Variants in KRT81 observed in about 807,000 individuals in gnomAD.
KRT81 encodes the protein keratin 81.
In KRT81, 35 loss-of-function variants were observed where a neutral mutation model predicts 35.8. The observed-to-expected ratio is 0.98, with a 90% CI of 0.75 to 1.30. The LOEUF (loss-of-function observed/expected upper bound fraction) is 1.30, where lower values mean the gene tolerates loss of function less well. KRT81 is among the 50% of genes most tolerant of loss of function. The probability of loss-of-function intolerance (pLI) is 0.00; values close to 1 mark genes in which losing one functional copy is unlikely to be tolerated. For synonymous variants in KRT81, 249 were observed against 251.2 expected (o/e 0.99, Z 0.08); for missense variants, 531 against 577.4 (o/e 0.92, Z 0.82).
rs1412655408 is a variant in KRT81 at position 52,286,976 on chromosome 12, C to T, written c.1247+126G>A. ...GACAAACTCACACACCAGCCCTCCC[C>T]ACACCGGAAGTGAATAATAATATTT... On this transcript the variant is annotated intron_variant, in intron 7 of 8. Transcript: ENST00000327741. The T allele has an allele frequency of 2.5e-6, 4 of 1,568,870 alleles. No homozygotes were observed. The Admixed American group carries it at 5.3e-5, about 21-fold the overall frequency.
At chr12:52,287,520 A>C in intron 6 of KRT81, 76 bp downstream of exon 6, 1 of 1,613,180 alleles carries the variant, frequency 6.2e-7, no homozygotes, top group Non-Finnish European at 8.5e-7. Flanking sequence ...GCTGAGATCC[A>C]GGTAGGGCAC....
In KRT81 at chr12:52,287,732, T is replaced by G; in HGVS notation, c.901-11A>C. 2 of 1,614,030 alleles carry G rather than the reference T, an allele frequency of 1.2e-6. No individual in the cohort carries two copies. The highest frequency in any genetic ancestry group is 1.7e-6 in the Non-Finnish European group (2 of 1,179,962). On this transcript the variant is annotated splice_polypyrimidine_tract_variant and intron_variant, in intron 5 of 8. Coordinates refer to ENST00000327741, the MANE Select transcript of KRT81 (RefSeq NM_002281.4). ...CTTCATCTCCTCACACTGGGGGAAG[T>G]AGAGATGCTCATGAGGTTCAGGGTG...
Position 52,288,591 on chromosome 12 carries a change from C to T in KRT81, c.640-135G>A, listed in dbSNP as rs111858567. On this transcript the variant is annotated intron_variant, in intron 3 of 8. Coordinates refer to ENST00000327741, the MANE Select transcript of KRT81 (RefSeq NM_002281.4). ...CCATTCCCATGCCTTTCCTCCCCTT[C>T]TGCCCTTCCTGGGATGAGCTGGCAT... 668 of 1,090,162 alleles carry T rather than the reference C, an allele frequency of 6.1e-4. 3 individuals are homozygous for T. The African/African-American group carries it at 8.3e-3, about 14-fold the overall frequency. 67.5% of individuals were successfully genotyped at this position (1,090,162 alleles called of 1,614,324 possible). A position where few individuals can be genotyped will look rare whatever the true frequency, so the allele number is the denominator to read the frequency against.
Position 52,291,422 on chromosome 12 carries a change from A to T in KRT81, c.44T>A (p.Ile15Asn), listed in dbSNP as rs1938119325. 6.2e-7 allele frequency: 1 copy of T among 1,612,178 alleles called. No homozygotes were observed. Among genetic ancestry groups the T allele is most frequent in the African/African-American group, 1.3e-5 (1 of 75,006 alleles). ...GCCGGGCCGCGGCCCGCAGGCCGAGATGCAGCTGAAGGCGCGCCCACCAAA... is the reference window on the plus strand; with the variant it reads ...GCCGGGCCGCGGCCCGCAGGCCGAGTTGCAGCTGAAGGCGCGCCCACCAAA... ...SGFGGRAFSC[I>N]SACGPRPGRC... The change falls in exon 1 of 9, where the codon ATC becomes AAC. Residue 15 changes from isoleucine (I) to asparagine (N), a missense_variant. By Grantham distance (149) the Ile-to-Asn change is moderately radical. Coordinates refer to ENST00000327741, the MANE Select transcript of KRT81 (RefSeq NM_002281.4).
In KRT81 at chr12:52,287,241, C is replaced by T. The variant is rs761370549; in HGVS notation, c.1108G>A (p.Glu370Lys). 61 of 1,614,032 alleles carry T rather than the reference C, an allele frequency of 3.8e-5. No individual in the cohort carries two copies. Among genetic ancestry groups the T allele is most frequent in the East Asian group, 3.3e-4 (15 of 44,874 alleles). ...ALSDARCKLA[E>K]LEGALQKAKQ... ...GCCTTCTGCAGGGCGCCCTCCAGCTCGGCCAGCTTGCAGCGGGCATCACTG... is the reference window on the plus strand; with the variant it reads ...GCCTTCTGCAGGGCGCCCTCCAGCTTGGCCAGCTTGCAGCGGGCATCACTG... The change falls in exon 7 of 9, where the codon GAG becomes AAG. Residue 370 changes from glutamate (E) to lysine (K), a missense_variant. Glu to Lys is a moderately conservative substitution (Grantham distance 56). This residue lies in a region of KRT81 where 49 missense variants were observed against 87.8 expected (regional missense o/e 0.56). Coordinates refer to ENST00000327741, the MANE Select transcript of KRT81 (RefSeq NM_002281.4).
chr12:52,291,244 A>C lies in KRT81; in HGVS notation c.222T>G (p.Ser74Arg). The C allele has an allele frequency of 6.6e-7, 1 of 1,504,658 alleles. No homozygotes were observed. Among genetic ancestry groups the C allele is most frequent in the Non-Finnish European group, 8.9e-7 (1 of 1,121,200 alleles). The allele number at this position is 1,504,658 out of a possible 1,614,324, so 93.2% of individuals were successfully genotyped here. A position where few individuals can be genotyped will look rare whatever the true frequency, so the allele number is the denominator to read the frequency against. The change falls in exon 1 of 9, where the codon AGT becomes AGG. Residue 74 changes from serine to arginine, a missense_variant. Transcript: ENST00000327741. ...GYRSGGVCGPSPPCITTVSVN... is the reference protein window; with the variant it reads ...GYRSGGVCGPRPPCITTVSVN... ...CCGACACGGTGGTGATGCATGGGGG[A>C]CTGGGCCCGCACACGCCCCCGGAGC...
intron 3 of KRT81, 130 bp from the exon 4 acceptor site, chr12:52,288,586 C>A: frequency 9.1e-7 from 1 of 1,101,266 alleles, no homozygotes; most frequent in South Asian, 1.2e-5. Context: ...GCCTTTCCTC[C>A]CCTTCTGCCC....
intron 7 of KRT81, 60 bp downstream of exon 7, chr12:52,287,042 G>C (rs1565740041): frequency 6.2e-7 from 1 of 1,611,938 alleles, no homozygotes; most frequent in African/African-American, 1.3e-5. Context: ...CCAAGGCCAA[G>C]GGTAGGCTTG....
In KRT81 at chr12:52,286,471, C is replaced by A; in HGVS notation, c.1302G>T (p.Gly434=). ...VNVCVSSSRG[G]VVCGDLCVSG... ...ACACGCAGAGGTCCCCGCACACGAC[C>A]CCGCCCCGGGAGCTGCTGACACCTG... Residue 434 remains glycine (G), a synonymous_variant, in exon 9 of 9, where the codon GGG becomes GGT. Coordinates refer to ENST00000327741, the MANE Select transcript of KRT81 (RefSeq NM_002281.4). 6.4e-7 allele frequency: 1 copy of A among 1,552,438 alleles called. No individual in the cohort carries two copies. Among genetic ancestry groups the A allele is most frequent in the Admixed American group, 1.9e-5 (1 of 51,296 alleles).
At position 52,291,414 on chromosome 12, in the gene KRT81, A is replaced by G. The variant is rs1373978620; in HGVS notation, c.52T>C (p.Cys18Arg). The G allele has an allele frequency of 1.2e-6, 2 of 1,611,556 alleles. No individual in the cohort carries two copies. Among genetic ancestry groups the G allele is most frequent in the South Asian group, 1.1e-5 (1 of 90,896 alleles). The change falls in exon 1 of 9, where the codon TGC becomes CGC. Residue 18 changes from cysteine (C) to arginine (R), a missense_variant. This residue lies in a region of KRT81 where 133 missense variants were observed against 125.9 expected (regional missense o/e 1.06). Transcript: ENST00000327741. The stretch of plus-strand genomic sequence containing the variant: ...CAGCAGCGGCCGGGCCGCGGCCCGC[A>G]GGCCGAGATGCAGCTGAAGGCGCGC... ...GGRAFSCISA[C>R]GPRPGRCCIT...
intron 3 of KRT81, 103 bp from the exon 4 acceptor site, chr12:52,288,559 T>A: frequency 7.4e-7 from 1 of 1,356,186 alleles, no homozygotes; most frequent in Non-Finnish European, 1.1e-6. Flanking sequence ...AAGCAGTCCC[T>A]GGTGTCCCAT....
intron 4 of KRT81, 62 bp downstream of exon 4, chr12:52,288,299 T>C: frequency 4.3e-6 from 7 of 1,609,892 alleles, no homozygotes; most frequent in Middle Eastern, 2.0e-4. Flanking sequence ...TGTCCAACAC[T>C]CCCACCCCCA....
Position 52,288,109 on chromosome 12 carries a change from C to A in KRT81, c.775G>T (p.Val259Leu). 6.2e-7 allele frequency: 1 copy of A among 1,614,108 alleles called. No homozygotes were observed. The highest frequency in any genetic ancestry group is 1.3e-5 in the African/African-American group (1 of 75,002). The part of the protein sequence containing the change: ...ILQSHISDTS[V>L]VVKLDNSRDL... ...CGGCTGTTGTCCAGCTTGACAACCA[C>A]GGAGGTGTCTGAGATGTGCGACTGG... The change falls in exon 5 of 9, where the codon GTG becomes TTG. Residue 259 changes from valine to leucine, a missense_variant. By Grantham distance (32) the Val-to-Leu change is conservative. Transcript: ENST00000327741.
chr12:52,286,699 A>G (rs1456901989), intron 8 of KRT81, 92 bp downstream of exon 8: 16 of 1,403,222 alleles, frequency 1.1e-5, no homozygotes, highest in Middle Eastern at 3.5e-4. Flanking sequence ...CCACTCTTTT[A>G]TATTCAATCT....
At chr12:52,288,212 C>T (rs897170212) in intron 4 of KRT81, 64 bp from the exon 5 acceptor site, 19 of 1,592,664 alleles carry the variant, frequency 1.2e-5, no homozygotes, top group African/African-American at 5.4e-5. Context: ...GTCCTGACTC[C>T]ACCTCCTCAG....
At chr12:52,287,006 C>G in intron 7 of KRT81, 96 bp downstream of exon 7, 1 of 1,601,766 alleles carries the variant, frequency 6.2e-7, no homozygotes. Context: ...ATATTTTTTT[C>G]CCCCAGAGCC....
Position 52,288,778 on chromosome 12 carries a change from A to G in KRT81, c.640-322T>C, listed in dbSNP as rs112977481. On this transcript the variant is annotated intron_variant, in intron 3 of 8. Transcript: ENST00000327741. ...ACACCCTGACCCTTTCCTGTCCCCC[A>G]CAAGTGCTCCAAGAGCCCAGTGGCT... 2.4e-3 allele frequency among the ~76,000 whole-genome samples: 363 copies of G among 150,912 alleles called. 2 individuals carry two copies. Among genetic ancestry groups the G allele is most frequent in the African/African-American group, 8.2e-3 (335 of 41,020 alleles).
rs149101320 is a variant in KRT81 at position 52,291,418 on chromosome 12, C to T, written c.48G>A (p.Ser16=). 5.0e-6 allele frequency: 8 copies of T among 1,611,882 alleles called. No individual in the cohort carries two copies. Among genetic ancestry groups the T allele is most frequent in the South Asian group, 1.1e-5 (1 of 90,914 alleles). Residue 16 remains serine (S), a synonymous_variant, in exon 1 of 9, where the codon TCG becomes TCA. Transcript: ENST00000327741. Reference sequence around the variant, plus strand: ...AGCGGCCGGGCCGCGGCCCGCAGGCCGAGATGCAGCTGAAGGCGCGCCCAC... The same window carrying T: ...AGCGGCCGGGCCGCGGCCCGCAGGCTGAGATGCAGCTGAAGGCGCGCCCAC... ...GFGGRAFSCI[S]ACGPRPGRCC...
In KRT81 at chr12:52,287,700, C is replaced by A. The variant is rs1342841308; in HGVS notation, c.922G>T (p.Val308Leu). The A allele has an allele frequency of 6.2e-7, 1 of 1,614,048 alleles. No homozygotes were observed. Among genetic ancestry groups the A allele is most frequent in the Non-Finnish European group, 8.5e-7 (1 of 1,179,944 alleles). Residue 308 changes from valine (V) to leucine (L), a missense_variant, in exon 6 of 9, where the codon GTG becomes TTG. Around this residue, in one of 5 missense-constraint regions of KRT81, gnomAD observed 194 missense variants for 198.2 expected, o/e 0.98. Transcript: ENST00000327741. ...RSKCEEMKAT[V>L]IRHGETLRRT... is the part of the protein sequence containing the mutation. ...CGCAGGGTCTCCCCGTGCCTGATCA[C>A]CGTGGCCTTCATCTCCTCACACTGG...
Sources: allele counts gnomAD v4.1 joint callset (sites outside exome capture counted in the v4.1 genomes callset), GRCh38; gene constraint gnomAD v4.1.1; regional missense constraint gnomAD v4.1.1; transcripts MANE v1.5; gene names NCBI Gene and HGNC (gene_info 2026-07-23, HGNC 2026-07-21).